The following PBX1 variants were observed in gnomAD, a reference collection of about 807,000 sequenced individuals.
PBX1 encodes the protein pre-B-cell leukemia transcription factor 1.
A neutral mutation model predicts 53.4 loss-of-function variants in PBX1; 6 were observed. The ratio of observed to expected loss-of-function variants is 0.11; its 90% confidence interval spans 0.06 to 0.22. The LOEUF (loss-of-function observed/expected upper bound fraction) is 0.22, where lower values mean the gene tolerates loss of function less well. PBX1 is among the 10% of genes least tolerant of loss of function. PBX1 has a pLI of 1.00. For synonymous variants in PBX1, 204 were observed against 212.3 expected (o/e 0.96, Z 0.34); for missense variants, 251 against 551.4 (o/e 0.46, Z 5.46).
intron 2 of PBX1, chr1:164,771,096 T>C (rs756032819): frequency 6.6e-6 from 1 of 152,204 alleles, no homozygotes; most frequent in Non-Finnish European, 1.5e-5. Flanking sequence ...GCCTACATCT[T>C]CAACTCAGAG....
chr1:164,767,729 A>T (rs1667138533), intron 2 of PBX1, among the ~76,000 whole-genome samples: 1 of 152,114 alleles, frequency 6.6e-6, no homozygotes, highest in Admixed American at 6.6e-5. Flanking sequence ...TAAGTTTATT[A>T]TTATAAGTGT....
At chr1:164,601,789 C>T (rs1571041208) in intron 2 of PBX1, among the ~76,000 whole-genome samples, 1 of 152,096 alleles carries the variant, frequency 6.6e-6, no homozygotes, top group Non-Finnish European at 1.5e-5. Flanking sequence ...AGATGAGACC[C>T]CTTAGCCTGT....
At chr1:164,771,001 C>T (rs1320352061) in intron 2 of PBX1, 29 of 151,976 alleles carry the variant, frequency 1.9e-4, no homozygotes, top group Admixed American at 1.8e-3. Context: ...ACTTCACTCC[C>T]AGGCCTCCTG....
chr1:164,665,135 C>T (rs1173371539), intron 2 of PBX1, among the ~76,000 whole-genome samples: 2 of 152,148 alleles, frequency 1.3e-5, no homozygotes, highest in African/African-American at 4.8e-5. Flanking sequence ...TAGATGATCT[C>T]TTGTACATTG....
At position 164,814,767 on chromosome 1, in the gene PBX1, A is replaced by G. The variant is rs148173897; in HGVS notation, c.997+2618A>G. 5 of 154,536 alleles carry G rather than the reference A, an allele frequency of 3.2e-5. No individual in the cohort carries two copies. In the East Asian group the frequency reaches 7.5e-4, roughly 23 times the overall value. The allele number at this position is 154,536 out of a possible 1,614,324, so 9.6% of individuals were successfully genotyped here. On this transcript the variant is annotated intron_variant, in intron 6 of 8. Transcript: ENST00000420696. ...AAACAAAACAAACAAACAAACAAAA[A>G]AACCAAATATATTTCTTTGCAAGTA...
At position 164,603,929 on chromosome 1, in the gene PBX1, A is replaced by ATTTTTTTTTTTTTTTTTTTT. The variant is rs71583414; in HGVS notation, c.265+40632_265+40651dup. Among the ~76,000 whole-genome samples, 56 of 75,748 alleles carry ATTTTTTTTTTTTTTTTTTTT rather than the reference A, an allele frequency of 7.4e-4. 13 individuals are homozygous for ATTTTTTTTTTTTTTTTTTTT. The highest frequency in any genetic ancestry group is 1.2e-3 in the African/African-American group (20 of 16,214). The allele number at this position is 75,748 out of a possible 152,430, so 49.7% of individuals were successfully genotyped here. ...GACACTCTGTACATTATGTCATTTC[A>ATTTTTTTTTTTTTTTTTTTT]TTTTTTTTTTTTTTTTTTTTTTTTT... is the stretch of plus-strand genomic sequence containing the variant. On this transcript the variant is annotated intron_variant, in intron 2 of 8. Transcript: ENST00000420696.
chr1:164,871,931 G>A (rs1672393962), intron 2 of PBX1, among the ~76,000 whole-genome samples: 1 of 151,778 alleles, frequency 6.6e-6, no homozygotes, highest in Non-Finnish European at 1.5e-5. Flanking sequence ...CCCTTTATAA[G>A]GATACAGCAT....
intron 2 of PBX1, among the ~76,000 whole-genome samples, chr1:164,679,644 A>C (rs1240166468): frequency 6.6e-6 from 1 of 152,180 alleles, no homozygotes; most frequent in Non-Finnish European, 1.5e-5. Context: ...ATTGAATCTT[A>C]AGAAAAAGAA....
At chr1:164,735,218 G>A (rs1294551586) in intron 2 of PBX1, among the ~76,000 whole-genome samples, 5 of 152,194 alleles carry the variant, frequency 3.3e-5, no homozygotes, top group Non-Finnish European at 7.3e-5. Context: ...ACTTGGCATT[G>A]TAAGAATGTA....
At chr1:164,879,549 G>A (rs910132059) in intron 2 of PBX1, among the ~76,000 whole-genome samples, 1 of 152,186 alleles carries the variant, frequency 6.6e-6, no homozygotes, top group Non-Finnish European at 1.5e-5. Flanking sequence ...AGGCAGTTGT[G>A]TTTGAAGATA....
chr1:164,748,191 T>C (rs1364239841), intron 2 of PBX1, among the ~76,000 whole-genome samples: 1 of 152,130 alleles, frequency 6.6e-6, no homozygotes, highest in Non-Finnish European at 1.5e-5. Flanking sequence ...AAAAAGTACA[T>C]GATAAAGAAA....
Position 164,658,807 on chromosome 1 carries a change from CAT to C in PBX1, c.265+95499_265+95500del. 4.6e-5 allele frequency among the ~76,000 whole-genome samples: 7 copies of C among 152,314 alleles called. 2 individuals carry two copies. Among genetic ancestry groups the C allele is most frequent in the Admixed American group, 4.6e-4 (7 of 15,298 alleles). On this transcript the variant is annotated intron_variant, in intron 2 of 8. Transcript: ENST00000420696. ...GCCAGATACTGTTATTACCACTTTA[CAT>C]ATGTTATCTGTTACCCTGTGCACTA...
intron 2 of PBX1, among the ~76,000 whole-genome samples, chr1:164,587,562 G>A (rs1655035015): frequency 6.6e-6 from 1 of 151,890 alleles, no homozygotes; most frequent in African/African-American, 2.4e-5. Context: ...TTAAGAGTAA[G>A]GATGTCATGC....
At chr1:164,710,101 A>C (rs1232348198) in intron 2 of PBX1, among the ~76,000 whole-genome samples, 1 of 152,200 alleles carries the variant, frequency 6.6e-6, no homozygotes, top group Non-Finnish European at 1.5e-5. Flanking sequence ...TGCTTAGGTC[A>C]GTGTCTGACA....
chr1:164,610,229 T>G (rs965803371), intron 2 of PBX1, among the ~76,000 whole-genome samples: 1 of 152,106 alleles, frequency 6.6e-6, no homozygotes, highest in African/African-American at 2.4e-5. Context: ...TTTGAGGGAC[T>G]GGAATTGTGA....
chr1:164,836,516 T>G (rs1481730922), intron 8 of PBX1, among the ~76,000 whole-genome samples: 2 of 152,210 alleles, frequency 1.3e-5, no homozygotes, highest in African/African-American at 4.8e-5. Flanking sequence ...GCACATAGAT[T>G]GTTTTCAAGC....
chr1:164,755,336 A>G (rs991606151), intron 2 of PBX1, among the ~76,000 whole-genome samples: 17 of 152,134 alleles, frequency 1.1e-4, no homozygotes, highest in East Asian at 1.9e-4. Flanking sequence ...TTTAGTAGAG[A>G]TGAGGTTTCT....
chr1:164,850,340 T>TAA lies in PBX1; in HGVS notation c.*3680_*3681dup, dbSNP rs748191385. Reference sequence around the variant, plus strand: ...AGTGACAGTAATTCATTTTGTAAACTAAAAAAAAAAAAAAAAAGGTTGGAA... The same window carrying TAA: ...AGTGACAGTAATTCATTTTGTAAACTAAAAAAAAAAAAAAAAAAAGGTTGGAA... On this transcript the variant is annotated 3_prime_UTR_variant, in exon 9 of 9. Coordinates refer to ENST00000420696, the MANE Select transcript of PBX1 (RefSeq NM_002585.4). 57 of 126,866 alleles carry TAA rather than the reference T, an allele frequency of 4.5e-4. No homozygotes were observed. The highest frequency in any genetic ancestry group is 5.8e-4 in the Non-Finnish European group (36 of 62,548). 7.9% of individuals were successfully genotyped at this position (126,866 alleles called of 1,614,324 possible).
intron 2 of PBX1, among the ~76,000 whole-genome samples, chr1:164,701,138 AT>A (rs376893288): frequency 0.013 from 1,928 of 151,764 alleles, 42 homozygotes; most frequent in African/African-American, 0.045. Context: ...GCCTTTTTGC[AT>A]TTTTTTTTCC....
Sources: gnomAD v4.1 joint callset for allele counts (sites outside exome capture counted in the v4.1 genomes callset) on GRCh38, gnomAD v4.1.1 for gene constraint, MANE v1.5 for transcripts, NCBI Gene and HGNC (gene_info 2026-07-23, HGNC 2026-07-21) for gene names.